Variants in RCAN2 observed in about 807,000 individuals in gnomAD.
RCAN2 encodes the protein calcipressin-2.
In RCAN2, 9 loss-of-function variants were observed where a neutral mutation model predicts 23.6. That is an observed-to-expected ratio of 0.38 (90% CI 0.23 to 0.67). The LOEUF (loss-of-function observed/expected upper bound fraction) is 0.67. RCAN2 is among the 30% of genes least tolerant of loss of function. The pLI, the probability that RCAN2 is intolerant of heterozygous loss-of-function variation, is 0.51. For synonymous variants in RCAN2, 109 were observed against 115.7 expected (o/e 0.94, Z 0.37); for missense variants, 273 against 302.3 (o/e 0.90, Z 0.72).
At chr6:46,223,623 G>T (rs113172082) in intron 4 of RCAN2, among the ~76,000 whole-genome samples, 1 of 152,160 alleles carries the variant, frequency 6.6e-6, no homozygotes, top group African/African-American at 2.4e-5. Flanking sequence ...GCAGTTAGTC[G>T]TATTAGTTTC....
intron 2 of RCAN2, among the ~76,000 whole-genome samples, chr6:46,360,421 C>T (rs918136460): frequency 6.6e-6 from 1 of 151,200 alleles, no homozygotes; most frequent in African/African-American, 2.4e-5. Context: ...GTAGTCCCAG[C>T]TCCTCCGGAG....
intron 1 of RCAN2, among the ~76,000 whole-genome samples, chr6:46,476,811 G>C (rs1768725097): frequency 2.0e-5 from 3 of 152,018 alleles, no homozygotes. Flanking sequence ...AAGATTTTTG[G>C]AAAGCCCCTA....
intron 2 of RCAN2, among the ~76,000 whole-genome samples, chr6:46,293,879 A>C (rs1762639326): frequency 6.6e-6 from 1 of 152,188 alleles, no homozygotes; most frequent in Non-Finnish European, 1.5e-5. Flanking sequence ...CAGGTGGAGA[A>C]TAGTAATTTG....
Position 46,239,355 on chromosome 6 carries a change from T to C in RCAN2, c.571+7393A>G, listed in dbSNP as rs186311112. Among the ~76,000 whole-genome samples the C allele has an allele frequency of 1.9e-4, 29 of 152,316 alleles. 1 individual carries two copies. In the East Asian group the frequency reaches 5.4e-3, roughly 28 times the overall value. ...AGGGAATTCAGTCCTTTGTAACCTT[T>C]TTTCTCTCTGATTCTTTTGTGTTTC... On this transcript the variant is annotated intron_variant, in intron 4 of 4. Transcript: ENST00000371374.
chr6:46,461,398 T>C (rs1246334290), intron 1 of RCAN2, among the ~76,000 whole-genome samples: 2 of 152,140 alleles, frequency 1.3e-5, no homozygotes, highest in Non-Finnish European at 2.9e-5. Context: ...ACCTTATGCA[T>C]GTGGAAAAGA....
At chr6:46,350,717 G>A (rs571253334) in intron 2 of RCAN2, among the ~76,000 whole-genome samples, 6 of 152,316 alleles carry the variant, frequency 3.9e-5, no homozygotes, top group African/African-American at 1.4e-4. Flanking sequence ...CAATTAGAAA[G>A]TACTTTGAAA....
At chr6:46,374,172 A>G (rs1393863517) in intron 2 of RCAN2, among the ~76,000 whole-genome samples, 1 of 152,182 alleles carries the variant, frequency 6.6e-6, no homozygotes, top group Non-Finnish European at 1.5e-5. Flanking sequence ...TGGTTATGTG[A>G]ATACTCCAAA....
At chr6:46,425,993 G>A (rs1185249368) in intron 2 of RCAN2, among the ~76,000 whole-genome samples, 1 of 151,000 alleles carries the variant, frequency 6.6e-6, no homozygotes, top group East Asian at 1.9e-4. Context: ...CTGTCTCCCG[G>A]GTTCAAGCGA....
chr6:46,477,024 C>T (rs1296728156), intron 1 of RCAN2, among the ~76,000 whole-genome samples: 2 of 152,168 alleles, frequency 1.3e-5, no homozygotes, highest in Non-Finnish European at 2.9e-5. Flanking sequence ...GTTTGGATTG[C>T]TTCCAGGTTC....
intron 2 of RCAN2, among the ~76,000 whole-genome samples, chr6:46,385,301 C>G (rs1010777620): frequency 4.6e-5 from 7 of 152,252 alleles, no homozygotes; most frequent in African/African-American, 1.7e-4. Flanking sequence ...TACAATACAC[C>G]AAGGAACTGC....
intron 2 of RCAN2, among the ~76,000 whole-genome samples, chr6:46,340,238 C>T (rs1469580897): frequency 2.0e-5 from 3 of 152,124 alleles, no homozygotes; most frequent in African/African-American, 7.2e-5. Context: ...ACTCCACTAT[C>T]CAACTCCTTA....
In RCAN2 at chr6:46,319,817, G is replaced by A. The variant is rs550503565; in HGVS notation, c.226-70921C>T. Reference sequence around the variant, plus strand: ...CTCAATTCTAGTCCATGTTATTACCGGAGAAATAGCAACATTTGTTTTGCT... The same window carrying A: ...CTCAATTCTAGTCCATGTTATTACCAGAGAAATAGCAACATTTGTTTTGCT... On this transcript the variant is annotated intron_variant, in intron 2 of 4. Transcript: ENST00000371374. 7.2e-5 allele frequency among the ~76,000 whole-genome samples: 11 copies of A among 152,112 alleles called. No individual in the cohort carries two copies. In the South Asian group the frequency reaches 1.2e-3, roughly 17 times the overall value.
intron 2 of RCAN2, among the ~76,000 whole-genome samples, chr6:46,438,827 A>G (rs1170075516): frequency 6.6e-6 from 1 of 152,156 alleles, no homozygotes; most frequent in Non-Finnish European, 1.5e-5. Flanking sequence ...TGTACTCCCA[A>G]TGCCAAGAGC....
chr6:46,456,961 A>G lies in RCAN2; in HGVS notation c.16T>C (p.Tyr6His). 2.6e-6 allele frequency: 4 copies of G among 1,550,360 alleles called. No individual in the cohort carries two copies. Among genetic ancestry groups the G allele is most frequent in the South Asian group, 1.2e-5 (1 of 84,040 alleles). The change falls in exon 2 of 5, where the codon TAC (tyrosine) becomes CAC (histidine). Residue 6 changes from tyrosine to histidine, a missense_variant. Coordinates refer to ENST00000371374, the MANE Select transcript of RCAN2 (RefSeq NM_001251974.2). ...CCTGGGCTCCTCATTCCGATGAAGTATGATTCTCCCCTCATTCCTGGGGAT... is the reference window on the plus strand; with the variant it reads ...CCTGGGCTCCTCATTCCGATGAAGTGTGATTCTCCCCTCATTCCTGGGGAT... MRGES[Y>H]FIGMRSPGQQ...
chr6:46,221,163 T>C lies in RCAN2; in HGVS notation c.*1978A>G, dbSNP rs1192178148. ...TCAACTTTTACTAAGTTGTTAAAAA[T>C]GTCAGATGTGTCTTTTAAAAAACAT... On this transcript the variant is annotated 3_prime_UTR_variant, in exon 5 of 5. Transcript: ENST00000371374. The C allele has an allele frequency of 6.6e-6, 1 of 152,354 alleles. No homozygotes were observed. Among genetic ancestry groups the C allele is most frequent in the Non-Finnish European group, 1.5e-5 (1 of 68,038 alleles). The allele number at this position is 152,354 out of a possible 1,614,324, so 9.4% of individuals were successfully genotyped here. A position where few individuals can be genotyped will look rare whatever the true frequency, so the allele number is the denominator to read the frequency against.
intron 4 of RCAN2, among the ~76,000 whole-genome samples, chr6:46,244,544 C>T (rs1359331486): frequency 6.6e-6 from 1 of 152,230 alleles, no homozygotes; most frequent in East Asian, 1.9e-4. Context: ...TGTTCTTTCA[C>T]ATTCTTGATA....
Position 46,371,026 on chromosome 6 carries a change from T to C in RCAN2, c.225+85726A>G, listed in dbSNP as rs1023029933. 3.7e-4 allele frequency among the ~76,000 whole-genome samples: 56 copies of C among 152,004 alleles called. 1 individual carries two copies. Among genetic ancestry groups the C allele is most frequent in the Admixed American group, 3.6e-3 (55 of 15,242 alleles). ...AAATTATGTGGGTAGATTTGGGGAG[T>C]AGAAGGGGACAGTGCATACACTGAC... On this transcript the variant is annotated intron_variant, in intron 2 of 4. Coordinates refer to ENST00000371374, the MANE Select transcript of RCAN2 (RefSeq NM_001251974.2).
chr6:46,327,111 A>G (rs926340984), intron 2 of RCAN2, among the ~76,000 whole-genome samples: 1 of 152,380 alleles, frequency 6.6e-6, no homozygotes, highest in South Asian at 2.1e-4. Context: ...ATGATGAAAA[A>G]GCAAATGTCA....
At chr6:46,329,134 G>A (rs2150365922) in intron 2 of RCAN2, among the ~76,000 whole-genome samples, 1 of 152,222 alleles carries the variant, frequency 6.6e-6, no homozygotes. Context: ...AAACTTCCAA[G>A]CTCATTCCCA....
Sources: gnomAD v4.1 joint callset for allele counts (sites outside exome capture counted in the v4.1 genomes callset) on GRCh38, gnomAD v4.1.1 for gene constraint, MANE v1.5 for transcripts, NCBI Gene and HGNC (gene_info 2026-07-23, HGNC 2026-07-21) for gene names.